MROH9: variants seen among roughly 807,000 people sequenced by gnomAD.
The protein encoded by MROH9 is maestro heat-like repeat-containing protein family member 9.
A neutral mutation model predicts 98.2 loss-of-function variants in MROH9; 92 were observed. The ratio of observed to expected loss-of-function variants is 0.94; its 90% CI spans 0.79 to 1.11. The LOEUF (loss-of-function observed/expected upper bound fraction) is 1.11. Among genes scored for constraint, MROH9 ranks in the 50% most tolerant of loss-of-function variants. The pLI, the probability that MROH9 is intolerant of heterozygous loss-of-function variation, is 0.00. For missense variants in MROH9, 1,057 were observed against 1,014.8 expected (o/e 1.04, Z -0.57); for synonymous variants, 397 against 368.9 (o/e 1.08, Z -0.87).
intron 16 of MROH9, among the ~76,000 whole-genome samples, chr1:171,014,599 T>C (rs1200291438): frequency 6.6e-6 from 1 of 152,216 alleles, no homozygotes; most frequent in Non-Finnish European, 1.5e-5. Flanking sequence ...CACTAATTCC[T>C]ATCTCAGAGC....
chr1:171,058,548 C>A (rs1357734623), intron 20 of MROH9, among the ~76,000 whole-genome samples: 4 of 152,036 alleles, frequency 2.6e-5, no homozygotes. Context: ...CCAAGACAAT[C>A]CTAAGCAGGA....
intron 6 of MROH9, among the ~76,000 whole-genome samples, chr1:170,963,230 G>T (rs539639284): frequency 6.6e-6 from 1 of 151,662 alleles, no homozygotes; most frequent in South Asian, 2.1e-4. Context: ...ATGAAAAAAA[G>T]CTCAACCTCA....
chr1:171,007,581 T>G (rs978929050), intron 15 of MROH9, among the ~76,000 whole-genome samples: 2 of 152,122 alleles, frequency 1.3e-5, no homozygotes, highest in Non-Finnish European at 2.9e-5. Flanking sequence ...AAACTGAAGC[T>G]AAAAGGGGCT....
At chr1:170,964,856 G>A (rs1356875666) in intron 6 of MROH9, among the ~76,000 whole-genome samples, 1 of 152,082 alleles carries the variant, frequency 6.6e-6, no homozygotes, top group African/African-American at 2.4e-5. Flanking sequence ...TGGTAATCAT[G>A]TCATAGCTTC....
chr1:171,061,823 T>C (rs1394912537), intron 20 of MROH9, among the ~76,000 whole-genome samples: 1 of 152,146 alleles, frequency 6.6e-6, no homozygotes, highest in Non-Finnish European at 1.5e-5. Context: ...AGGAGGAGAC[T>C]GGGAGAGCCT....
intron 21 of MROH9, among the ~76,000 whole-genome samples, chr1:171,063,599 A>G (rs906761611): frequency 6.6e-6 from 1 of 152,088 alleles, no homozygotes; most frequent in African/African-American, 2.4e-5. Flanking sequence ...ATTTTTTTAA[A>G]CTATCATAAC....
intron 9 of MROH9, among the ~76,000 whole-genome samples, chr1:170,985,456 G>A (rs567760228): frequency 6.6e-6 from 1 of 152,206 alleles, no homozygotes; most frequent in East Asian, 1.9e-4. Flanking sequence ...GGAGAGTTAC[G>A]TGTAGATAAT....
chr1:171,047,393 C>T (rs1429832311), intron 20 of MROH9, among the ~76,000 whole-genome samples: 1 of 151,996 alleles, frequency 6.6e-6, no homozygotes, highest in African/African-American at 2.4e-5. Context: ...AAATAGGCTG[C>T]CTTCAATCTC....
At chr1:170,969,218 C>T (rs1203695585) in intron 7 of MROH9, among the ~76,000 whole-genome samples, 4 of 152,114 alleles carry the variant, frequency 2.6e-5, no homozygotes, top group African/African-American at 7.2e-5. Flanking sequence ...AAATCTAACA[C>T]ACACATATGG....
rs549814323 is a variant in MROH9 at position 171,060,168 on chromosome 1, G to T, written c.2282-1964G>T. On this transcript the variant is annotated intron_variant, in intron 20 of 21. Coordinates refer to ENST00000367759, the MANE Select transcript of MROH9 (RefSeq NM_001163629.2). The stretch of plus-strand genomic sequence containing the variant: ...AAGCCTATTGAAATAAAAAATAAAA[G>T]TTTAAAAAATACCAATACAATAGCA... Among the ~76,000 whole-genome samples the T allele has an allele frequency of 7.2e-5, 11 of 151,942 alleles. No homozygotes were observed. In the South Asian group the frequency reaches 1.7e-3, roughly 23 times the overall value.
At chr1:170,958,709 G>A (rs1444028984) in intron 4 of MROH9, among the ~76,000 whole-genome samples, 169 bp downstream of exon 4, 6 of 152,028 alleles carry the variant, frequency 3.9e-5, no homozygotes, top group East Asian at 1.9e-4. Context: ...TTTGTATTGC[G>A]TAGACAAGCA....
At chr1:171,025,119 G>A (rs1032557326) in intron 19 of MROH9, among the ~76,000 whole-genome samples, 199 bp from the exon 20 acceptor site, 3 of 152,182 alleles carry the variant, frequency 2.0e-5, no homozygotes. Context: ...GAACAGCAAT[G>A]ATAGCCAAGT....
chr1:170,965,701 C>A (rs1039633392), intron 7 of MROH9, among the ~76,000 whole-genome samples: 2 of 152,086 alleles, frequency 1.3e-5, no homozygotes, highest in South Asian at 2.1e-4. Context: ...CCTTTACTAT[C>A]CTCTCCACAC....
Position 170,945,574 on chromosome 1 carries a change from A to G in MROH9, c.18A>G (p.Pro6=). The part of the protein sequence containing the change: MLTRN[P]KTKSSLQILQ... ...CTGTCAGCATGTTGACAAGGAATCCAAAAACAAGTAAGGCTTTAGGACACA... is the reference window on the plus strand; with the variant it reads ...CTGTCAGCATGTTGACAAGGAATCCGAAAACAAGTAAGGCTTTAGGACACA... Residue 6 remains proline (P), a synonymous_variant, in exon 2 of 22, where the codon CCA becomes CCG. Coordinates refer to ENST00000367759, the MANE Select transcript of MROH9 (RefSeq NM_001163629.2). 4 of 1,611,198 alleles carry G rather than the reference A, an allele frequency of 2.5e-6. No homozygotes were observed. Among genetic ancestry groups the G allele is most frequent in the Non-Finnish European group, 3.4e-6 (4 of 1,178,280 alleles).
At chr1:170,956,953 T>C (rs1649785831) in intron 3 of MROH9, among the ~76,000 whole-genome samples, 1 of 151,938 alleles carries the variant, frequency 6.6e-6, no homozygotes. Context: ...GACTGCTTTT[T>C]GTATGTATTT....
intron 20 of MROH9, among the ~76,000 whole-genome samples, chr1:171,043,993 T>C (rs535291573): frequency 1.3e-5 from 2 of 152,314 alleles, no homozygotes; most frequent in South Asian, 4.1e-4. Flanking sequence ...AGCTAGGACT[T>C]CTAGTACTAC....
At chr1:171,019,287 A>G (rs573638529) in intron 17 of MROH9, among the ~76,000 whole-genome samples, 52 of 152,358 alleles carry the variant, frequency 3.4e-4, no homozygotes, top group African/African-American at 1.2e-3. Flanking sequence ...GAGACTATGT[A>G]CCAGAATCTG....
rs142661132 is a variant in MROH9 at position 171,064,701 on chromosome 1, C to T, written c.*361C>T. Reference sequence around the variant, plus strand: ...TCTAAGTGCCAGATACTGTGTTAGGCAGTGGGGACATTTGGATGATATAGA... The same window carrying T: ...TCTAAGTGCCAGATACTGTGTTAGGTAGTGGGGACATTTGGATGATATAGA... On this transcript the variant is annotated 3_prime_UTR_variant, in exon 22 of 22. Transcript: ENST00000367759. The T allele has an allele frequency of 1.3e-3, 221 of 175,730 alleles. 1 individual carries two copies. The highest frequency in any genetic ancestry group is 5.1e-3 in the African/African-American group (212 of 41,936). The allele number at this position is 175,730 out of a possible 1,614,324, so 10.9% of individuals were successfully genotyped here.
Position 171,036,830 on chromosome 1 carries a change from C to T in MROH9, c.2281+11410C>T, listed in dbSNP as rs556569286. On this transcript the variant is annotated intron_variant, in intron 20 of 21. Coordinates refer to ENST00000367759, the MANE Select transcript of MROH9 (RefSeq NM_001163629.2). ...GAGTAAAATGAATAAAAGCAAAAAA[C>T]GAAACCCAAAGAATACATACTATTT... Among the ~76,000 whole-genome samples, 86 of 148,442 alleles carry T rather than the reference C, an allele frequency of 5.8e-4. 1 individual carries two copies. The highest frequency in any genetic ancestry group is 3.7e-3 in the South Asian group (17 of 4,644).
Sources: allele counts gnomAD v4.1 joint callset (sites outside exome capture counted in the v4.1 genomes callset), GRCh38; gene constraint gnomAD v4.1.1; transcripts MANE v1.5; gene names NCBI Gene and HGNC (gene_info 2026-07-23, HGNC 2026-07-21).